Variants in MITF observed in about 807,000 individuals in gnomAD.
The protein encoded by MITF is melanocyte inducing transcription factor.
MITF carries 17 observed loss-of-function variants against 60.5 expected under a neutral mutation model. The observed-to-expected ratio is 0.28, with a 90% CI of 0.19 to 0.42. MITF has a LOEUF of 0.42. Among genes scored for constraint, MITF ranks in the 10% least tolerant of loss-of-function variants. The pLI, the probability that MITF is intolerant of heterozygous loss-of-function variation, is 1.00. For missense variants in MITF, 622 were observed against 683.5 expected (o/e 0.91, Z 1.00); for synonymous variants, 260 against 248.5 (o/e 1.05, Z -0.43).
intron 2 of MITF, among the ~76,000 whole-genome samples, chr3:69,885,739 T>C (rs1252621444): frequency 6.6e-6 from 1 of 152,142 alleles, no homozygotes; most frequent in Non-Finnish European, 1.5e-5. Flanking sequence ...TACTAATGAA[T>C]AAAAGATTGA....
intron 1 of MITF, among the ~76,000 whole-genome samples, chr3:69,853,752 C>A: frequency 6.6e-6 from 1 of 151,988 alleles, no homozygotes; most frequent in East Asian, 1.9e-4. Flanking sequence ...CTTCTTTTTT[C>A]ATTCCACATC....
In MITF at chr3:69,967,845, A is replaced by G; in HGVS notation, c.*2597A>G. 1 of 233,182 alleles carries G rather than the reference A, an allele frequency of 4.3e-6. No individual in the cohort carries two copies. The allele number at this position is 233,182 out of a possible 1,614,324, so 14.4% of individuals were successfully genotyped here. ...CACTCCCCCGATTCCCGGGTGCAGA[A>G]TTGTAACTCGGGGTTGGGCCTCTAT... On this transcript the variant is annotated 3_prime_UTR_variant, in exon 10 of 10. Coordinates refer to ENST00000352241, the MANE Select transcript of MITF (RefSeq NM_001354604.2).
chr3:69,755,811 T>C (rs1228410646), intron 1 of MITF, among the ~76,000 whole-genome samples: 1 of 152,154 alleles, frequency 6.6e-6, no homozygotes, highest in Non-Finnish European at 1.5e-5. Flanking sequence ...GGTGATGAGA[T>C]GCTACCTGTA....
intron 2 of MITF, among the ~76,000 whole-genome samples, chr3:69,898,645 A>G (rs541613713): frequency 8.5e-5 from 13 of 152,314 alleles, no homozygotes; most frequent in African/African-American, 3.1e-4. Flanking sequence ...GAAGCAATGT[A>G]AAAACACAGG....
At chr3:69,792,998 CTTTTTTTTTTTTTTTTTTTTT>C (rs58440406) in intron 1 of MITF, among the ~76,000 whole-genome samples, 2 of 31,076 alleles carry the variant, frequency 6.4e-5, no homozygotes, top group East Asian at 1.3e-3. Flanking sequence ...AAGTCTTTAG[CTTTTTTTTTTTTTTTTTTTTT>C]TTTTTTTTTT....
chr3:69,900,809 A>G (rs1266418023), intron 2 of MITF, among the ~76,000 whole-genome samples: 1 of 152,224 alleles, frequency 6.6e-6, no homozygotes, highest in African/African-American at 2.4e-5. Context: ...AGAGGGATAG[A>G]GTAGTGATTA....
chr3:69,837,152 T>C (rs1199583384), intron 1 of MITF, among the ~76,000 whole-genome samples: 1 of 152,196 alleles, frequency 6.6e-6, no homozygotes. Context: ...TATGTCTCCA[T>C]GCTAGCTACA....
intron 1 of MITF, among the ~76,000 whole-genome samples, chr3:69,746,751 C>T (rs762118357): frequency 1.5e-4 from 23 of 152,002 alleles, no homozygotes; most frequent in Non-Finnish European, 3.1e-4. Flanking sequence ...TTGTGTACTC[C>T]GAGGATAGGA....
At position 69,786,443 on chromosome 3, in the gene MITF, A is replaced by C. The variant is rs113058996; in HGVS notation, c.104+46742A>C. Among the ~76,000 whole-genome samples the C allele has an allele frequency of 4.3e-3, 648 of 152,294 alleles. 6 individuals carry two copies. Among genetic ancestry groups the C allele is most frequent in the African/African-American group, 0.014 (598 of 41,554 alleles). Reference sequence around the variant, plus strand: ...TCAAGGTCTTCATAATGTTCATATCAAATATCTAGAGTTCCTTCAATTTAG... The same window carrying C: ...TCAAGGTCTTCATAATGTTCATATCCAATATCTAGAGTTCCTTCAATTTAG... On this transcript the variant is annotated intron_variant, in intron 1 of 9. Transcript: ENST00000352241.
intron 1 of MITF, among the ~76,000 whole-genome samples, chr3:69,836,958 G>A (rs753504890): frequency 1.3e-5 from 2 of 152,166 alleles, no homozygotes; most frequent in African/African-American, 4.8e-5. Context: ...AAATATTGAT[G>A]TTGCCCTCAC....
intron 1 of MITF, among the ~76,000 whole-genome samples, chr3:69,857,577 A>G (rs1328332595): frequency 2.0e-5 from 3 of 151,980 alleles, no homozygotes; most frequent in Non-Finnish European, 2.9e-5. Context: ...ATAAATGAAA[A>G]TGCAGTGATC....
At chr3:69,799,683 T>C (rs1477909328) in intron 1 of MITF, among the ~76,000 whole-genome samples, 1 of 152,152 alleles carries the variant, frequency 6.6e-6, no homozygotes. Context: ...TGTTTTTTGT[T>C]TGTTTGTTTG....
chr3:69,957,445 ACC>A (rs2066427383), intron 8 of MITF, among the ~76,000 whole-genome samples: 3 of 152,154 alleles, frequency 2.0e-5, no homozygotes, highest in Non-Finnish European at 4.4e-5. Context: ...TAAAACCATT[ACC>A]TATTGTGAGG....
chr3:69,930,851 A>C (rs151256573), intron 2 of MITF, among the ~76,000 whole-genome samples: 260 of 152,374 alleles, frequency 1.7e-3, no homozygotes, highest in African/African-American at 6.0e-3. Flanking sequence ...ATTTGCTCCC[A>C]GTCCTGTATT....
At chr3:69,900,824 A>G (rs185905048) in intron 2 of MITF, among the ~76,000 whole-genome samples, 14 of 152,318 alleles carry the variant, frequency 9.2e-5, no homozygotes, top group Admixed American at 7.8e-4. Context: ...TGATTATACC[A>G]TGTCTATTTT....
chr3:69,862,982 CTCTT>C (rs1274406142), intron 1 of MITF, among the ~76,000 whole-genome samples: 3 of 152,094 alleles, frequency 2.0e-5, no homozygotes, highest in African/African-American at 7.2e-5. Context: ...CTCTCTATCT[CTCTT>C]TCCCTCTGTG....
chr3:69,945,615 A>G (rs2066075919), intron 5 of MITF, among the ~76,000 whole-genome samples: 1 of 152,232 alleles, frequency 6.6e-6, no homozygotes, highest in South Asian at 2.1e-4. Context: ...TAGCTTCAGC[A>G]AATAAGAGCG....
At chr3:69,885,689 C>T (rs535856859) in intron 2 of MITF, among the ~76,000 whole-genome samples, 1 of 152,076 alleles carries the variant, frequency 6.6e-6, no homozygotes, top group Admixed American at 6.5e-5. Context: ...GAAGGAGAAG[C>T]AATTAGGGGA....
At chr3:69,875,645 C>T (rs988926637) in intron 1 of MITF, among the ~76,000 whole-genome samples, 6 of 152,174 alleles carry the variant, frequency 3.9e-5, no homozygotes, top group African/African-American at 1.4e-4. Flanking sequence ...ATCACGTCCT[C>T]GTTTTAAAAA....
Sources: gnomAD v4.1 joint callset for allele counts (sites outside exome capture counted in the v4.1 genomes callset) on GRCh38, gnomAD v4.1.1 for gene constraint, MANE v1.5 for transcripts, NCBI Gene and HGNC (gene_info 2026-07-23, HGNC 2026-07-21) for gene names.